Variants in CALN1 observed in about 807,000 individuals in gnomAD.
CALN1 encodes calcium-binding protein 8.
CALN1 carries 17 observed loss-of-function variants against 30.6 expected under a neutral mutation model. The observed-to-expected ratio is 0.56, with a 90% CI of 0.38 to 0.83. The LOEUF (loss-of-function observed/expected upper bound fraction) is 0.83, where lower values mean the gene tolerates loss of function less well. Ranked by LOEUF, CALN1 falls within the 40% of genes least tolerant of loss-of-function variation. The pLI is 0.00. For synonymous variants in CALN1, 156 were observed against 131.4 expected (o/e 1.19, Z -1.28); for missense variants, 291 against 354.9 (o/e 0.82, Z 1.45).
At chr7:72,259,950 G>C (rs1425275759) in intron 3 of CALN1, among the ~76,000 whole-genome samples, 3 of 152,174 alleles carry the variant, frequency 2.0e-5, no homozygotes, top group East Asian at 3.9e-4. Context: ...AATATACCTT[G>C]TCCAGTCTTC....
chr7:72,258,223 G>A (rs541385487), intron 3 of CALN1, among the ~76,000 whole-genome samples: 8 of 152,256 alleles, frequency 5.3e-5, no homozygotes, highest in Admixed American at 2.0e-4. Context: ...CTCCTTCACC[G>A]GCAAGAAGTC....
intron 5 of CALN1, among the ~76,000 whole-genome samples, chr7:71,983,226 T>A (rs1798489766): frequency 6.6e-6 from 1 of 152,194 alleles, no homozygotes; most frequent in South Asian, 2.1e-4. Context: ...CCTTCACTCT[T>A]AAACTCACTT....
In CALN1 at chr7:72,394,623, T is replaced by TA. The variant is rs1240083440; in HGVS notation, c.119+8627dup. 3.9e-5 allele frequency among the ~76,000 whole-genome samples: 6 copies of TA among 152,032 alleles called. No homozygotes were observed. In the South Asian group the frequency reaches 1.0e-3, roughly 26 times the overall value. On this transcript the variant is annotated intron_variant, in intron 2 of 6. Coordinates refer to ENST00000395275, the MANE Select transcript of CALN1 (RefSeq NM_031468.4). ...ATATTTTGATGTATATATGCTTATT[T>TA]AATCTGAGTGTATGGCACAACTTCA...
chr7:72,402,363 C>T (rs1218738633), intron 2 of CALN1, among the ~76,000 whole-genome samples: 1 of 152,190 alleles, frequency 6.6e-6, no homozygotes, highest in East Asian at 1.9e-4. Flanking sequence ...CATCCACTTC[C>T]TTTTCTTCCC....
the CALN1 span, among the ~76,000 whole-genome samples, chr7:72,503,011 G>C: frequency 6.6e-6 from 1 of 152,146 alleles, no homozygotes; most frequent in African/African-American, 2.4e-5. Context: ...AAATTAGCCA[G>C]ACATGGTGGC....
chr7:71,848,846 G>C (rs1354053560), intron 5 of CALN1, among the ~76,000 whole-genome samples: 3 of 152,168 alleles, frequency 2.0e-5, no homozygotes, highest in Non-Finnish European at 4.4e-5. Flanking sequence ...AAGCTCATCA[G>C]TCAACTATTC....
chr7:72,389,698 T>TCA (rs1805455001), intron 2 of CALN1, among the ~76,000 whole-genome samples: 1 of 152,154 alleles, frequency 6.6e-6, no homozygotes, highest in Admixed American at 6.5e-5. Context: ...GGCAAGTGGA[T>TCA]CACCTGAGGT....
chr7:72,405,138 T>C (rs754944312), intron 1 of CALN1, among the ~76,000 whole-genome samples: 2 of 152,176 alleles, frequency 1.3e-5, no homozygotes, highest in Admixed American at 6.5e-5. Context: ...AAGGGTGTTA[T>C]GTCCTGCGAT....
chr7:71,794,267 G>C (rs1196277441), intron 6 of CALN1, among the ~76,000 whole-genome samples: 2 of 152,132 alleles, frequency 1.3e-5, no homozygotes, highest in Non-Finnish European at 1.5e-5. Flanking sequence ...GCAATAAACA[G>C]GTCCAAAGAA....
At chr7:72,341,652 C>G (rs1009261366) in intron 2 of CALN1, among the ~76,000 whole-genome samples, 4 of 152,248 alleles carry the variant, frequency 2.6e-5, no homozygotes, top group Non-Finnish European at 5.9e-5. Flanking sequence ...AGCTCTCATT[C>G]TGCCCTCCCT....
At chr7:72,180,607 CTTTT>C (rs150600925) in intron 3 of CALN1, among the ~76,000 whole-genome samples, 1 of 90,002 alleles carries the variant, frequency 1.1e-5, no homozygotes. Flanking sequence ...GCTTTTTTTT[CTTTT>C]TTTTTTTTTT....
At chr7:72,459,566 C>CAGTGAGCT in the CALN1 span, among the ~76,000 whole-genome samples, 1 of 144,366 alleles carries the variant, frequency 6.9e-6, no homozygotes, top group Admixed American at 7.3e-5. Context: ...GTGGAGGCTG[C>CAGTGAGCT]AGTGAGCTAT....
chr7:72,023,790 T>C (rs1179990135), intron 4 of CALN1, 21 bp from the exon 5 acceptor site: 4 of 1,596,044 alleles, frequency 2.5e-6, no homozygotes, highest in Non-Finnish European at 3.4e-6. Context: ...AAGATGTAAA[T>C]ATGAGTTGCA....
upstream of CALN1, among the ~76,000 whole-genome samples, chr7:72,448,994 C>T (rs968213102): frequency 1.2e-4 from 19 of 152,058 alleles, no homozygotes; most frequent in Admixed American, 4.6e-4. Flanking sequence ...CTCCAGGGTA[C>T]GTGCCTTGGA....
chr7:71,967,625 CAAAAAAA>C (rs761089148), intron 5 of CALN1, among the ~76,000 whole-genome samples: 14 of 70,364 alleles, frequency 2.0e-4, no homozygotes, highest in South Asian at 5.2e-4. Flanking sequence ...GACCCTGTTT[CAAAAAAA>C]AAAAAAAAAA....
intron 6 of CALN1, among the ~76,000 whole-genome samples, chr7:71,801,552 T>G (rs899860522): frequency 6.6e-6 from 1 of 152,062 alleles, no homozygotes. Context: ...ATGACTTCAC[T>G]TTGTGGAGCC....
At chr7:72,341,132 G>C (rs534782165) in intron 2 of CALN1, among the ~76,000 whole-genome samples, 3 of 152,170 alleles carry the variant, frequency 2.0e-5, no homozygotes, top group Admixed American at 6.5e-5. Flanking sequence ...CTTTCCCTTT[G>C]ATCCCTTAGT....
chr7:71,998,986 G>C (rs1450482915), intron 5 of CALN1, among the ~76,000 whole-genome samples: 4 of 152,092 alleles, frequency 2.6e-5, no homozygotes, highest in African/African-American at 9.7e-5. Context: ...TAAAATGGTA[G>C]ACTTACATAG....
At chr7:72,172,785 A>G (rs1265290854) in intron 3 of CALN1, among the ~76,000 whole-genome samples, 1 of 152,180 alleles carries the variant, frequency 6.6e-6, no homozygotes, top group Admixed American at 6.5e-5. Flanking sequence ...ATAGTGGGTA[A>G]TTTCCTCAGT....
Sources: gnomAD v4.1 joint callset for allele counts (sites outside exome capture counted in the v4.1 genomes callset) on GRCh38, gnomAD v4.1.1 for gene constraint, MANE v1.5 for transcripts, NCBI Gene and HGNC (gene_info 2026-07-23, HGNC 2026-07-21) for gene names.